SCYL3: variants seen among roughly 807,000 people sequenced by gnomAD.
SCYL3 encodes the protein SCY1 like pseudokinase 3.
SCYL3 carries 35 observed loss-of-function variants against 73.8 expected under a neutral mutation model. The observed-to-expected ratio is 0.47, with a 90% CI of 0.36 to 0.63. The LOEUF is 0.63. Ranked by LOEUF, SCYL3 falls within the 20% of genes least tolerant of loss-of-function variation. SCYL3 has a pLI of 0.00. For missense variants in SCYL3, 712 were observed against 798.9 expected, an observed-to-expected ratio of 0.89 and a Z score of 1.31; for synonymous variants, 277 against 295.2, an observed-to-expected ratio of 0.94 and a Z score of 0.63.
intron 2 of SCYL3, among the ~76,000 whole-genome samples, chr1:169,881,409 C>T (rs1661247649): frequency 1.3e-5 from 2 of 152,130 alleles, no homozygotes; most frequent in Non-Finnish European, 1.5e-5. Flanking sequence ...TCACCTTAAA[C>T]ATTTGTCTTT....
At chr1:169,893,929 A>T (rs1662277152), upstream of SCYL3, 1 of 152,394 alleles carries the variant, frequency 6.6e-6, no homozygotes. Flanking sequence ...GGTTTCTCCT[A>T]CACCATAGAG....
intron 10 of SCYL3, among the ~76,000 whole-genome samples, chr1:169,861,272 ATGACTG>A (rs1659627177): frequency 6.6e-6 from 1 of 152,180 alleles, no homozygotes; most frequent in African/African-American, 2.4e-5. Flanking sequence ...TGAGGCAAAA[ATGACTG>A]TCAGTTCACA....
At chr1:169,878,908 A>G (rs1288265526) in intron 2 of SCYL3, 89 bp from the exon 3 acceptor site, 11 of 1,202,768 alleles carry the variant, frequency 9.1e-6, no homozygotes, top group Non-Finnish European at 1.3e-5. Flanking sequence ...CAGAAAATGT[A>G]TACTTGCAGT....
chr1:169,889,591 T>TA (rs201260980), intron 1 of SCYL3, among the ~76,000 whole-genome samples: 13 of 150,442 alleles, frequency 8.6e-5, no homozygotes, highest in South Asian at 2.1e-4. Context: ...TCTCAATTGC[T>TA]AAAAAAAAAC....
In SCYL3 at chr1:169,850,135, A is replaced by G. The variant is rs1657926263; in HGVS notation, c.*3578T>C. The G allele has an allele frequency of 1.6e-6, 1 of 615,464 alleles. No homozygotes were observed. Among genetic ancestry groups the G allele is most frequent in the African/African-American group, 1.8e-5 (1 of 54,100 alleles). 38.1% of individuals were successfully genotyped at this position (615,464 alleles called of 1,614,324 possible). ...ACCCTGAAGGAATCATGAGTTTATC[A>G]CCTTTGAGGATCCTCTGGGACTCTT... On this transcript the variant is annotated 3_prime_UTR_variant, in exon 13 of 13. Coordinates refer to ENST00000367771, the MANE Select transcript of SCYL3 (RefSeq NM_020423.7).
chr1:169,865,497 T>C (rs1659975826), intron 8 of SCYL3, among the ~76,000 whole-genome samples: 1 of 152,144 alleles, frequency 6.6e-6, no homozygotes, highest in Admixed American at 6.5e-5. Context: ...TCCAGGACAA[T>C]GCACCAACCA....
chr1:169,866,656 C>T (rs1660050440), intron 8 of SCYL3, among the ~76,000 whole-genome samples: 2 of 152,208 alleles, frequency 1.3e-5, no homozygotes, highest in African/African-American at 4.8e-5. Flanking sequence ...GTTCTCAGGA[C>T]TCCTTCCAAA....
intron 2 of SCYL3, among the ~76,000 whole-genome samples, chr1:169,880,433 G>C (rs1288230331): frequency 2.2e-5 from 2 of 91,328 alleles, no homozygotes; most frequent in African/African-American, 3.5e-5. Flanking sequence ...ACATGGAGGA[G>C]AATGATGATT....
Position 169,854,309 on chromosome 1 carries a change from C to G in SCYL3, c.1968G>C (p.Met656Ile), listed in dbSNP as rs762265291. Reference protein sequence around the residue: ...VPKKDDVSPVMQFSSKFAAAE... With the variant: ...VPKKDDVSPVIQFSSKFAAAE... Reference sequence around the variant, plus strand: ...CTGCAGCAAATTTTGAGGAAAACTGCATCACTGGGGAGACATCATCCTTTT... The same window carrying G: ...CTGCAGCAAATTTTGAGGAAAACTGGATCACTGGGGAGACATCATCCTTTT... The change falls in exon 12 of 13, where the codon ATG becomes ATC. Residue 656 changes from methionine to isoleucine, a missense_variant. Around this residue, in one of 2 missense-constraint regions of SCYL3, gnomAD observed 370 missense variants for 350.8 expected, o/e 1.05. Transcript: ENST00000367771. The G allele has an allele frequency of 4.1e-5, 66 of 1,608,966 alleles. No homozygotes were observed. In the Admixed American group the frequency reaches 1.1e-3, roughly 27 times the overall value.
chr1:169,886,277 C>A (rs917978388), intron 2 of SCYL3, among the ~76,000 whole-genome samples: 1 of 132,618 alleles, frequency 7.5e-6, no homozygotes, highest in East Asian at 2.2e-4. Context: ...AACCACTGCA[C>A]TCTAGCCTGG....
intron 2 of SCYL3, 58 bp downstream of exon 2, chr1:169,888,618 T>A (rs1338910735): frequency 7.1e-6 from 10 of 1,401,146 alleles, no homozygotes; most frequent in South Asian, 5.2e-5. Context: ...CATATTTTTT[T>A]AAAAGAAAAC....
chr1:169,879,486 A>C (rs1422623838), intron 2 of SCYL3, among the ~76,000 whole-genome samples: 1 of 151,680 alleles, frequency 6.6e-6, no homozygotes, highest in Admixed American at 6.6e-5. Flanking sequence ...TTTGAGAAAC[A>C]GACAGGTTGC....
In SCYL3 at chr1:169,851,954, T is replaced by C. The variant is rs1335656542; in HGVS notation, c.*1759A>G. ...CTTTACAGGTATGGGCTGATTTCAA[T>C]AGGGGCCAAACTTTAACAAGGCAAA... On this transcript the variant is annotated 3_prime_UTR_variant, in exon 13 of 13. Coordinates refer to ENST00000367771, the MANE Select transcript of SCYL3 (RefSeq NM_020423.7). 1.2e-6 allele frequency: 2 copies of C among 1,613,944 alleles called. No individual in the cohort carries two copies. Among genetic ancestry groups the C allele is most frequent in the Non-Finnish European group, 8.5e-7 (1 of 1,179,882 alleles).
intron 1 of SCYL3, among the ~76,000 whole-genome samples, chr1:169,890,337 T>C (rs1661990368): frequency 6.6e-6 from 1 of 152,244 alleles, no homozygotes; most frequent in African/African-American, 2.4e-5. Context: ...GGCTTTACCA[T>C]AATATAAAAA....
chr1:169,862,020 TC>T (rs2102149516), intron 10 of SCYL3, among the ~76,000 whole-genome samples: 1 of 151,884 alleles, frequency 6.6e-6, no homozygotes, highest in Non-Finnish European at 1.5e-5. Flanking sequence ...TAAAGAGGAG[TC>T]CCTTTCACAT....
At position 169,862,573 on chromosome 1, in the gene SCYL3, C is replaced by T. The variant is rs747366322; in HGVS notation, c.1140+40G>A. ...ACTCTTTCTTTCAGCACTCTTCCCT[C>T]AGGTTCTGTGACTACCCCACTGCAA... On this transcript the variant is annotated intron_variant, in intron 10 of 12. Transcript: ENST00000367771. The T allele has an allele frequency of 5.0e-5, 80 of 1,606,190 alleles. 1 individual carries two copies. In the East Asian group the frequency reaches 1.7e-3, roughly 33 times the overall value.
chr1:169,892,864 G>A (rs1662181691), intron 1 of SCYL3, among the ~76,000 whole-genome samples: 1 of 152,104 alleles, frequency 6.6e-6, no homozygotes, highest in Admixed American at 6.6e-5. Flanking sequence ...GCAATTACTC[G>A]AGACTACCTT....
chr1:169,885,238 C>A (rs1189969673), intron 2 of SCYL3, among the ~76,000 whole-genome samples: 1 of 152,112 alleles, frequency 6.6e-6, no homozygotes, highest in African/African-American at 2.4e-5. Flanking sequence ...TTTTTCTACA[C>A]CCAAACAGGG....
At position 169,853,070 on chromosome 1, in the gene SCYL3, C is replaced by A; in HGVS notation, c.*643G>T. 7.4e-7 allele frequency: 1 copy of A among 1,355,456 alleles called. No homozygotes were observed. Among genetic ancestry groups the A allele is most frequent in the Non-Finnish European group, 1.0e-6 (1 of 967,288 alleles). The allele number at this position is 1,355,456 out of a possible 1,614,324, so 84.0% of individuals were successfully genotyped here. A position where few individuals can be genotyped will look rare whatever the true frequency, so the allele number is the denominator to read the frequency against. On this transcript the variant is annotated 3_prime_UTR_variant, in exon 13 of 13. Transcript: ENST00000367771. The stretch of plus-strand genomic sequence containing the variant: ...TGTACATTTTCTAACAGATATAAAA[C>A]AAATTTTGTAAAGTTGAATCTAGTG...
Sources: allele counts gnomAD v4.1 joint callset (sites outside exome capture counted in the v4.1 genomes callset), GRCh38; gene constraint gnomAD v4.1.1; regional missense constraint gnomAD v4.1.1; transcripts MANE v1.5; gene names NCBI Gene and HGNC (gene_info 2026-07-23, HGNC 2026-07-21).